Variants in MGAT4C observed in about 807,000 individuals in gnomAD.
The protein encoded by MGAT4C is alpha-1,3-mannosyl-glycoprotein 4-beta-N-acetylglucosaminyltransferase C.
A neutral mutation model predicts 40.1 loss-of-function variants in MGAT4C; 19 were observed. The ratio of observed to expected loss-of-function variants is 0.47; its 90% CI spans 0.33 to 0.70. MGAT4C has a LOEUF of 0.70. Ranked by LOEUF, MGAT4C falls within the 30% of genes least tolerant of loss-of-function variation. MGAT4C has a pLI of 0.02. For synonymous variants in MGAT4C, 181 were observed against 187.1 expected (o/e 0.97, Z 0.27); for missense variants, 491 against 563.2 (o/e 0.87, Z 1.30).
At chr12:86,267,916 T>G (rs554785154) in intron 4 of MGAT4C, among the ~76,000 whole-genome samples, 1 of 152,150 alleles carries the variant, frequency 6.6e-6, no homozygotes, top group African/African-American at 2.4e-5. Flanking sequence ...AATTTAATTT[T>G]TCTTACCAAA....
chr12:86,498,955 T>C (rs895321996), intron 2 of MGAT4C, among the ~76,000 whole-genome samples: 4 of 152,030 alleles, frequency 2.6e-5, no homozygotes, highest in African/African-American at 4.8e-5. Context: ...ATATGCACTA[T>C]AGATTGAAGA....
chr12:86,041,260 CA>C (rs1891808153), intron 2 of MGAT4C, among the ~76,000 whole-genome samples: 1 of 151,788 alleles, frequency 6.6e-6, no homozygotes, highest in Non-Finnish European at 1.5e-5. Context: ...TTTATTCTCT[CA>C]AAAAACAAAT....
chr12:86,566,570 A>ATATATATATG (rs1565853557), intron 2 of MGAT4C, among the ~76,000 whole-genome samples: 3 of 39,462 alleles, frequency 7.6e-5, no homozygotes, highest in Admixed American at 4.3e-4. Context: ...ATATATATAT[A>ATATATATATG]TATATGTATA....
rs1883639087 is a variant in MGAT4C at position 85,971,925 on chromosome 12, T to C, written c.*7364A>G. ...CAGAATTGAATGAGAGATAGGTTGT[T>C]GGGAATATTCAGGGTGAATGTGTCT... On this transcript the variant is annotated 3_prime_UTR_variant, in exon 5 of 5. Transcript: ENST00000611864. The C allele has an allele frequency of 6.6e-6, 1 of 151,194 alleles. No homozygotes were observed. Among genetic ancestry groups the C allele is most frequent in the Non-Finnish European group, 1.5e-5 (1 of 67,316 alleles). 9.4% of individuals were successfully genotyped at this position (151,194 alleles called of 1,614,324 possible). A position where few individuals can be genotyped will look rare whatever the true frequency, so the allele number is the denominator to read the frequency against.
chr12:86,011,887 T>C (rs1888495604), intron 2 of MGAT4C: 1 of 983,712 alleles, frequency 1.0e-6, no homozygotes, highest in Non-Finnish European at 1.2e-6. Flanking sequence ...TAAACTTCCA[T>C]GTCACATGCT....
chr12:86,060,869 C>T (rs1196175406), intron 1 of MGAT4C, among the ~76,000 whole-genome samples: 2 of 151,994 alleles, frequency 1.3e-5, no homozygotes, highest in Non-Finnish European at 2.9e-5. Flanking sequence ...CTGAGCTGGC[C>T]AGGAAAATTC....
At chr12:86,835,911 A>G (rs1953028269) in intron 1 of MGAT4C, among the ~76,000 whole-genome samples, 1 of 151,856 alleles carries the variant, frequency 6.6e-6, no homozygotes, top group Admixed American at 6.6e-5. Flanking sequence ...ATTAATTTCA[A>G]CTAGAACATC....
intron 1 of MGAT4C, among the ~76,000 whole-genome samples, chr12:86,132,146 T>C (rs1881276577): frequency 6.6e-6 from 1 of 152,136 alleles, no homozygotes; most frequent in African/African-American, 2.4e-5. Flanking sequence ...AACAAAAATC[T>C]CTTTGTCTTG....
At chr12:86,235,777 T>G (rs1228818343) in intron 1 of MGAT4C, among the ~76,000 whole-genome samples, 1 of 152,066 alleles carries the variant, frequency 6.6e-6, no homozygotes, top group Non-Finnish European at 1.5e-5. Flanking sequence ...AGTAGATACT[T>G]GCTTCCTTCA....
chr12:86,223,678 T>C (rs1950966635), intron 1 of MGAT4C, among the ~76,000 whole-genome samples: 1 of 152,160 alleles, frequency 6.6e-6, no homozygotes. Context: ...CCTAGTCCTG[T>C]TCACTTTGTA....
intron 1 of MGAT4C, among the ~76,000 whole-genome samples, chr12:86,065,600 A>C (rs970222305): frequency 6.6e-6 from 1 of 152,342 alleles, no homozygotes; most frequent in East Asian, 1.9e-4. Flanking sequence ...GGCAGTCAAT[A>C]TTATACTGAA....
intron 1 of MGAT4C, among the ~76,000 whole-genome samples, chr12:86,176,303 G>A (rs1398416601): frequency 6.6e-6 from 1 of 151,986 alleles, no homozygotes; most frequent in East Asian, 1.9e-4. Context: ...CTACTCCATT[G>A]CTTTGCAACT....
chr12:86,147,379 C>T (rs1007996148), intron 1 of MGAT4C, among the ~76,000 whole-genome samples: 4 of 152,054 alleles, frequency 2.6e-5, no homozygotes, highest in Non-Finnish European at 5.9e-5. Context: ...GTACCTGGGA[C>T]TACAGGCACC....
At chr12:86,091,457 A>G (rs1423623987) in intron 1 of MGAT4C, among the ~76,000 whole-genome samples, 1 of 152,082 alleles carries the variant, frequency 6.6e-6, no homozygotes, top group Non-Finnish European at 1.5e-5. Context: ...AAAAGAAAGC[A>G]GAGCATAAAG....
At chr12:86,028,064 G>T in intron 2 of MGAT4C, 1 of 1,143,686 alleles carries the variant, frequency 8.7e-7, no homozygotes, top group Non-Finnish European at 1.2e-6. Flanking sequence ...TCAAACACAT[G>T]CTGTTAAATC....
chr12:86,329,270 G>A (rs56144943), intron 4 of MGAT4C, among the ~76,000 whole-genome samples: 3,467 of 152,102 alleles, frequency 0.023, 112 homozygotes, highest in African/African-American at 0.068. Context: ...TTGGCCGGGC[G>A]TGGTGGCTCA....
At chr12:86,431,402 C>T (rs1353692035) in intron 3 of MGAT4C, among the ~76,000 whole-genome samples, 1 of 152,086 alleles carries the variant, frequency 6.6e-6, no homozygotes, top group Non-Finnish European at 1.5e-5. Flanking sequence ...AGGGACACAT[C>T]AAAATAAAAA....
intron 1 of MGAT4C, among the ~76,000 whole-genome samples, chr12:86,081,705 T>C (rs867586167): frequency 6.6e-6 from 1 of 152,050 alleles, no homozygotes; most frequent in Non-Finnish European, 1.5e-5. Context: ...CTTGTTCAGT[T>C]GCTGAGGTAC....
In MGAT4C at chr12:86,718,124, C is replaced by A. The variant is rs905239949; in HGVS notation, c.-229+9085G>T. Among the ~76,000 whole-genome samples the A allele has an allele frequency of 4.6e-5, 7 of 152,140 alleles. No homozygotes were observed. The East Asian group carries it at 1.4e-3, about 29-fold the overall frequency. On this transcript the variant is annotated intron_variant, in intron 2 of 7. Transcript: ENST00000548651. ...AATAGCCTACAATGCATAGGCAAGC[C>A]CCCCACAACAAAATTGCCGGGCTTT... is the stretch of plus-strand genomic sequence containing the variant.
Sources: gnomAD v4.1 joint callset for allele counts (sites outside exome capture counted in the v4.1 genomes callset) on GRCh38, gnomAD v4.1.1 for gene constraint, MANE v1.5 for transcripts, NCBI Gene and HGNC (gene_info 2026-07-23, HGNC 2026-07-21) for gene names.